Variants in DRC8 observed in about 807,000 individuals in gnomAD.
DRC8 encodes dynein regulatory complex protein 8.
At chr1:245,091,966 C>T in the DRC8 span, among the ~76,000 whole-genome samples, 1 of 152,214 alleles carries the variant, frequency 6.6e-6, no homozygotes, top group Non-Finnish European at 1.5e-5. Context: ...TCCGCAGAGC[C>T]TGCCATACCC....
At chr1:245,103,338 G>C in the DRC8 span, among the ~76,000 whole-genome samples, 77 of 428 alleles carry the variant, frequency 0.18, no homozygotes, top group African/African-American at 0.29. Flanking sequence ...GTGAGGCTGA[G>C]GAGGATCAGA....
the DRC8 span, among the ~76,000 whole-genome samples, chr1:245,086,456 T>C: frequency 6.6e-6 from 1 of 152,164 alleles, no homozygotes; most frequent in Non-Finnish European, 1.5e-5. Flanking sequence ...CATCCTAATA[T>C]CCACAAAGTA....
chr1:245,026,931 T>A, the DRC8 span, among the ~76,000 whole-genome samples: 2 of 151,868 alleles, frequency 1.3e-5, no homozygotes, highest in Admixed American at 1.3e-4. Flanking sequence ...GGATGAGGAG[T>A]GGAATGTTAG....
the DRC8 span, among the ~76,000 whole-genome samples, chr1:245,105,622 C>CAAAAAAAAAAAAAA: frequency 8.8e-5 from 10 of 114,278 alleles, no homozygotes; most frequent in Admixed American, 3.0e-4. Flanking sequence ...GACCCCATCT[C>CAAAAAAAAAAAAAA]AAAAAAAAAA....
the DRC8 span, among the ~76,000 whole-genome samples, chr1:245,114,225 G>A: frequency 6.6e-6 from 1 of 152,160 alleles, no homozygotes; most frequent in African/African-American, 2.4e-5. Context: ...AGCACTTTGG[G>A]AGGCCGAGGC....
At chr1:245,112,580 A>C in the DRC8 span, among the ~76,000 whole-genome samples, 1 of 152,174 alleles carries the variant, frequency 6.6e-6, no homozygotes, top group Non-Finnish European at 1.5e-5. Flanking sequence ...ACTGTGGTGG[A>C]ATATACATAA....
chr1:245,087,874 G>T, the DRC8 span: 4 of 612,694 alleles, frequency 6.5e-6, no homozygotes, highest in Non-Finnish European at 8.2e-6. Flanking sequence ...ATATCATTTG[G>T]GATAATAATA....
the DRC8 span, among the ~76,000 whole-genome samples, chr1:245,120,444 G>GCTC: frequency 6.6e-6 from 1 of 152,172 alleles, no homozygotes; most frequent in Non-Finnish European, 1.5e-5. Flanking sequence ...TATGGAAGCA[G>GCTC]TTTTCCATCT....
At chr1:245,112,756 C>CTT in the DRC8 span, among the ~76,000 whole-genome samples, 4 of 142,280 alleles carry the variant, frequency 2.8e-5, no homozygotes, top group Non-Finnish European at 3.1e-5. Flanking sequence ...TTCATGTTAC[C>CTT]TTTTTTTTTT....
chr1:245,120,934 C>T, the DRC8 span, among the ~76,000 whole-genome samples: 18 of 152,206 alleles, frequency 1.2e-4, no homozygotes, highest in South Asian at 2.1e-4. Flanking sequence ...TTACAAAGAC[C>T]GGACAGTGGA....
chr1:245,000,386 C>T, the DRC8 span, among the ~76,000 whole-genome samples: 1 of 152,080 alleles, frequency 6.6e-6, no homozygotes, highest in Non-Finnish European at 1.5e-5. Context: ...ATATTTGGAC[C>T]ACGGTTGAGT....
chr1:245,064,435 A>G, the DRC8 span, among the ~76,000 whole-genome samples: 1 of 152,176 alleles, frequency 6.6e-6, no homozygotes, highest in East Asian at 1.9e-4. Context: ...TTTACATATG[A>G]TGGTTGACCT....
the DRC8 span, among the ~76,000 whole-genome samples, chr1:245,061,311 G>T: frequency 0.01 from 1,599 of 152,328 alleles, 28 homozygotes; most frequent in African/African-American, 0.036. Flanking sequence ...ACTGCTGGTG[G>T]CTCTCTAGGA....
chr1:244,976,224 G>A, the DRC8 span, among the ~76,000 whole-genome samples: 1 of 151,984 alleles, frequency 6.6e-6, no homozygotes, highest in Non-Finnish European at 1.5e-5. Context: ...AGCCTAGATC[G>A]CAGCATTGCA....
chr1:245,075,101 G>C, the DRC8 span, among the ~76,000 whole-genome samples: 3 of 152,128 alleles, frequency 2.0e-5, no homozygotes, highest in Non-Finnish European at 4.4e-5. Context: ...TGGGGAGAAA[G>C]GAATTTTCAC....
At chr1:245,083,522 T>A in the DRC8 span, 2 of 1,587,376 alleles carry the variant, frequency 1.3e-6, no homozygotes, top group African/African-American at 2.7e-5. Context: ...TACATATATA[T>A]AAATACATTT....
chr1:244,977,934 A>T, the DRC8 span, among the ~76,000 whole-genome samples: 56 of 152,304 alleles, frequency 3.7e-4, no homozygotes, highest in Middle Eastern at 3.4e-3. Context: ...ATGGGTAAGG[A>T]CACGTGGGGG....
At chr1:245,004,746 T>C in the DRC8 span, among the ~76,000 whole-genome samples, 1 of 152,238 alleles carries the variant, frequency 6.6e-6, no homozygotes, top group Non-Finnish European at 1.5e-5. Context: ...GCACGCAGAA[T>C]ACCTTTTGCC....
At chr1:245,063,633 A>G in the DRC8 span, among the ~76,000 whole-genome samples, 1 of 152,152 alleles carries the variant, frequency 6.6e-6, no homozygotes, top group Non-Finnish European at 1.5e-5. Flanking sequence ...GGTGCATTTC[A>G]TTGGGAGGCT....
Sources: gnomAD v4.1 joint callset for allele counts (sites outside exome capture counted in the v4.1 genomes callset) on GRCh38, gnomAD v4.1.1 for gene constraint, MANE v1.5 for transcripts, NCBI Gene and HGNC (gene_info 2026-07-23, HGNC 2026-07-21) for gene names.